The following ETV7 variants were observed in gnomAD, a reference collection of about 807,000 sequenced individuals.
ETV7 encodes ETS variant transcription factor 7, also known as transcription factor ETV7.
ETV7 carries 43 observed loss-of-function variants against 39.1 expected under a neutral mutation model. That is an observed-to-expected ratio of 1.10 (90% CI 0.86 to 1.42). The LOEUF (loss-of-function observed/expected upper bound fraction) is 1.42. ETV7 is among the 40% of genes most tolerant of loss of function. ETV7 has a pLI of 0.00. For synonymous variants in ETV7, 196 were observed against 176.6 expected (o/e 1.11, Z -0.87); for missense variants, 432 against 442.3 (o/e 0.98, Z 0.21).
At chr6:36,374,780 G>A (rs1051629899) in intron 3 of ETV7, among the ~76,000 whole-genome samples, 3 of 152,162 alleles carry the variant, frequency 2.0e-5, no homozygotes, top group African/African-American at 4.8e-5. Flanking sequence ...GATAGAACTT[G>A]GGATGTCAGC....
chr6:36,387,563 C>A lies in ETV7; in HGVS notation c.-22G>T, dbSNP rs771693226. 1.2e-6 allele frequency: 2 copies of A among 1,613,974 alleles called. No individual in the cohort carries two copies. ...GCATTACAGGTGGAGGTGAGGAAGC[C>A]ACCGGCTTTCTGTCTTGAGCGCTCC... On this transcript the variant is annotated 5_prime_UTR_variant, in exon 1 of 8. Transcript: ENST00000340181.
intron 5 of ETV7, among the ~76,000 whole-genome samples, chr6:36,369,627 C>T (rs572618024): frequency 1.3e-5 from 2 of 152,352 alleles, no homozygotes; most frequent in Admixed American, 6.5e-5. Context: ...CTGGGCCTGT[C>T]GGCTGGGCCA....
At chr6:36,384,851 T>C (rs1223118225) in intron 2 of ETV7, among the ~76,000 whole-genome samples, 1 of 152,026 alleles carries the variant, frequency 6.6e-6, no homozygotes, top group Non-Finnish European at 1.5e-5. Context: ...GTCACATCAC[T>C]GCACTCCAGC....
chr6:36,365,588 G>A (rs1257123702), downstream of ETV7, among the ~76,000 whole-genome samples: 2 of 152,100 alleles, frequency 1.3e-5, no homozygotes, highest in African/African-American at 4.8e-5. Context: ...AGTCTTCACT[G>A]GGTCGTAGTC....
At chr6:36,361,844 A>G (rs1772498583), downstream of ETV7, among the ~76,000 whole-genome samples, 3 of 152,220 alleles carry the variant, frequency 2.0e-5, no homozygotes, top group Admixed American at 1.3e-4. Flanking sequence ...TTTTCAAACC[A>G]TGAGAATGTA....
At position 36,369,030 on chromosome 6, in the gene ETV7, C is replaced by T. The variant is rs1245863781; in HGVS notation, c.706G>A (p.Asp236Asn). Residue 236 changes from aspartate to asparagine, a missense_variant, in exon 6 of 8, where the codon GAT (aspartate) becomes AAT (asparagine). Asp to Asn is a conservative substitution (Grantham distance 23, BLOSUM62 1). Transcript: ENST00000340181. ...LWDYVYQLLL[D>N]TRYEPYIKWE... ...TTGATGTAGGGCTCATATCGGGTAT[C>T]AAGGAGCAGCTGATACACGTAATCC... is the stretch of plus-strand genomic sequence containing the variant. 6.2e-7 allele frequency: 1 copy of T among 1,614,178 alleles called. No individual in the cohort carries two copies. The highest frequency in any genetic ancestry group is 1.7e-5 in the Admixed American group (1 of 60,024).
intron 7 of ETV7, among the ~76,000 whole-genome samples, chr6:36,358,913 G>A (rs1772406485): frequency 6.6e-6 from 1 of 152,200 alleles, no homozygotes. Context: ...GCTTCCTTGA[G>A]TTAGGATGTT....
At chr6:36,380,780 A>C (rs1773612594) in intron 2 of ETV7, among the ~76,000 whole-genome samples, 1 of 152,060 alleles carries the variant, frequency 6.6e-6, no homozygotes, top group Admixed American at 6.5e-5. Context: ...GTAGCTGCTC[A>C]ATAAAAATAA....
At chr6:36,355,045 G>A (rs1485674326) in intron 7 of ETV7, among the ~76,000 whole-genome samples, 3 of 152,070 alleles carry the variant, frequency 2.0e-5, no homozygotes, top group Non-Finnish European at 2.9e-5. Flanking sequence ...TATTCCTTAG[G>A]ATTTTTATAC....
intron 7 of ETV7, among the ~76,000 whole-genome samples, chr6:36,358,473 G>C (rs746194381): frequency 8.5e-5 from 13 of 152,214 alleles, no homozygotes; most frequent in Non-Finnish European, 1.6e-4. Flanking sequence ...AATCACTTTA[G>C]AGTTTGCAGA....
In ETV7 at chr6:36,375,988, G is replaced by A. The variant is rs751440343; in HGVS notation, c.190C>T (p.Arg64Cys). 1.3e-5 allele frequency: 21 copies of A among 1,610,482 alleles called. No individual in the cohort carries two copies. Among genetic ancestry groups the A allele is most frequent in the Middle Eastern group, 3.3e-4 (2 of 6,080 alleles). The change falls in exon 3 of 8, where the codon CGC becomes TGC. Residue 64 changes from arginine (R) to cysteine (C), a missense_variant. By Grantham distance (180) the Arg-to-Cys change is radical. Transcript: ENST00000340181. ...AGAGAGTACTCCTGCTCTGCCCAGC[G>A]CAGCCAGTGCAGCACGTCCTCCCTG... ...WSREDVLHWL[R>C]WAEQEYSLPC... is the part of the protein sequence containing the mutation.
rs1323243757 is a variant in ETV7, at chr6:36,367,317, C to T, written c.808-342G>A. 2.0e-5 allele frequency among the ~76,000 whole-genome samples: 3 copies of T among 152,200 alleles called. No homozygotes were observed. The East Asian group carries it at 5.8e-4, about 29-fold the overall frequency. The stretch of plus-strand genomic sequence containing the variant: ...AATTAGCCAGGCGTGATGGTGCGTG[C>T]CTGTAGTCCCAACTACTCAGGAGGC... On this transcript the variant is annotated intron_variant, in intron 6 of 7. Transcript: ENST00000340181.
At chr6:36,362,301 CAA>C (rs35241955), downstream of ETV7, among the ~76,000 whole-genome samples, 33 of 135,148 alleles carry the variant, frequency 2.4e-4, no homozygotes, top group Non-Finnish European at 5.1e-4. Context: ...GACTCTGTCT[CAA>C]AAAAAAAAAA....
At chr6:36,382,568 C>A (rs149427776) in intron 2 of ETV7, among the ~76,000 whole-genome samples, 61 of 152,250 alleles carry the variant, frequency 4.0e-4, no homozygotes, top group African/African-American at 1.4e-3. Context: ...CAACTGTTAG[C>A]GCTGATCTAT....
chr6:36,372,499 G>T (rs1480508311), intron 4 of ETV7, among the ~76,000 whole-genome samples: 2 of 151,870 alleles, frequency 1.3e-5, no homozygotes, highest in Non-Finnish European at 2.9e-5. Flanking sequence ...CAGAAGCAAG[G>T]AGACCAGTGA....
exon 8 of ETV7, chr6:36,354,505 A>G (rs1772288447): frequency 1.9e-6 from 1 of 535,746 alleles, no homozygotes; most frequent in South Asian, 2.7e-5. Context: ...TTTGTTGAAA[A>G]AACTGTTCTT....
rs558092232 is a variant in ETV7 at position 36,355,703 on chromosome 6, G to A, written c.909-1016C>T. On this transcript the variant is annotated intron_variant, in intron 7 of 7. Coordinates refer to the ETV7 transcript ENST00000339796. ...GCTGGGATTACAGGTGTGAGCCACC[G>A]CACCCAGCCCATAAGCTCTTAAAGT... Among the ~76,000 whole-genome samples the A allele has an allele frequency of 6.6e-5, 10 of 152,278 alleles. 1 individual carries two copies. Among genetic ancestry groups the A allele is most frequent in the Middle Eastern group, 6.8e-3 (2 of 294 alleles).
chr6:36,370,408 G>A (rs1454208984), intron 5 of ETV7, among the ~76,000 whole-genome samples: 5 of 152,056 alleles, frequency 3.3e-5, no homozygotes, highest in African/African-American at 1.2e-4. Context: ...GGTGGTGGGC[G>A]CCTGTAATCC....
rs115876066 is a variant in ETV7, at chr6:36,371,364, C to T, written c.630G>A (p.Ala210=). ...TGCCGTCAATGGGGGCCTGCGGCAT[C>T]GCGGGGAAGGAACAGACCCCCTGGG... is the stretch of plus-strand genomic sequence containing the variant. The part of the protein sequence containing the change: ...CRTQGVCSFP[A]MPQAPIDGRI... Residue 210 remains alanine, a synonymous_variant, in exon 5 of 8, where the codon GCG becomes GCA. Coordinates refer to ENST00000340181, the MANE Select transcript of ETV7 (RefSeq NM_016135.4). 2.2e-3 allele frequency: 3,566 copies of T among 1,598,322 alleles called. 15 individuals are homozygous for T. The highest frequency in any genetic ancestry group is 0.013 in the Middle Eastern group (78 of 6,038).
Sources: allele counts gnomAD v4.1 joint callset (sites outside exome capture counted in the v4.1 genomes callset), GRCh38; gene constraint gnomAD v4.1.1; transcripts MANE v1.5; gene names NCBI Gene and HGNC (gene_info 2026-07-23, HGNC 2026-07-21).